NRXN3: variants seen among roughly 807,000 people sequenced by gnomAD.
NRXN3 encodes the protein neurexin III.
In NRXN3, 32 loss-of-function variants were observed where a neutral mutation model predicts 137.6. The ratio of observed to expected loss-of-function variants is 0.23; its 90% CI spans 0.18 to 0.31. The LOEUF (loss-of-function observed/expected upper bound fraction) is 0.31. Among genes scored for constraint, NRXN3 ranks in the 10% least tolerant of loss-of-function variants. NRXN3 has a pLI of 1.00. For missense variants in NRXN3, 1,574 were observed against 2,062.5 expected, an observed-to-expected ratio of 0.76 and a Z score of 4.59; for synonymous variants, 798 against 784.5, an observed-to-expected ratio of 1.02 and a Z score of -0.29.
intron 2 of NRXN3, among the ~76,000 whole-genome samples, chr14:78,249,029 TG>T (rs1429815765): frequency 6.6e-6 from 1 of 152,232 alleles, no homozygotes; most frequent in African/African-American, 2.4e-5. Flanking sequence ...GTATGCTAAA[TG>T]GCAGAGCAGC....
chr14:79,036,000 A>G (rs189636792), intron 15 of NRXN3, among the ~76,000 whole-genome samples: 9 of 152,180 alleles, frequency 5.9e-5, no homozygotes, highest in Admixed American at 5.2e-4. Context: ...GGAAAAATTA[A>G]TCATCCATTA....
intron 2 of NRXN3, among the ~76,000 whole-genome samples, chr14:78,274,372 A>G (rs2073258625): frequency 6.6e-6 from 1 of 152,226 alleles, no homozygotes; most frequent in Non-Finnish European, 1.5e-5. Flanking sequence ...AGAAGTGCTG[A>G]GCAAAAGGGG....
chr14:79,701,156 A>C (rs1240013631), intron 19 of NRXN3, among the ~76,000 whole-genome samples: 1 of 152,088 alleles, frequency 6.6e-6, no homozygotes. Context: ...GTAAGGCTAT[A>C]GCATAGTGAT....
At chr14:78,859,788 C>A (rs1430908842) in intron 10 of NRXN3, among the ~76,000 whole-genome samples, 1 of 151,964 alleles carries the variant, frequency 6.6e-6, no homozygotes, top group Non-Finnish European at 1.5e-5. Flanking sequence ...ATATAGAATA[C>A]CTTCATTTTC....
chr14:78,849,571 G>A (rs757751632), intron 10 of NRXN3, among the ~76,000 whole-genome samples: 5 of 152,092 alleles, frequency 3.3e-5, no homozygotes, highest in Admixed American at 6.6e-5. Flanking sequence ...TACATCTTAC[G>A]CTAAAAATGT....
intron 17 of NRXN3, among the ~76,000 whole-genome samples, chr14:79,664,393 A>T (rs369915926): frequency 6.6e-6 from 1 of 152,132 alleles, no homozygotes; most frequent in African/African-American, 2.4e-5. Flanking sequence ...CAATTACTGA[A>T]CTTGAAGACA....
intron 1 of NRXN3, among the ~76,000 whole-genome samples, chr14:78,225,148 A>G (rs552021794): frequency 9.2e-5 from 14 of 152,278 alleles, no homozygotes; most frequent in African/African-American, 3.1e-4. Context: ...TGGTATTTCT[A>G]GTTCTAGATC....
intron 4 of NRXN3, among the ~76,000 whole-genome samples, chr14:78,365,657 G>A (rs1042544630): frequency 6.6e-6 from 1 of 152,160 alleles, no homozygotes; most frequent in Non-Finnish European, 1.5e-5. Context: ...CTTGATCAGA[G>A]TGGAAGATGA....
At chr14:79,517,767 C>T (rs2097008457) in intron 16 of NRXN3, among the ~76,000 whole-genome samples, 1 of 151,942 alleles carries the variant, frequency 6.6e-6, no homozygotes, top group African/African-American at 2.4e-5. Flanking sequence ...TTCATTTCTG[C>T]ACTTTTATTC....
intron 15 of NRXN3, among the ~76,000 whole-genome samples, chr14:79,042,565 A>G (rs1295437064): frequency 6.6e-6 from 1 of 152,154 alleles, no homozygotes; most frequent in East Asian, 1.9e-4. Context: ...GCCATTTTAC[A>G]TTGTGTTTTT....
chr14:78,224,603 A>T (rs2064266753), intron 1 of NRXN3, among the ~76,000 whole-genome samples: 1 of 151,910 alleles, frequency 6.6e-6, no homozygotes. Flanking sequence ...AAGGACATGA[A>T]CTCATCATTT....
intron 4 of NRXN3, among the ~76,000 whole-genome samples, chr14:78,631,133 G>A (rs2097518580): frequency 6.6e-6 from 1 of 152,184 alleles, no homozygotes. Flanking sequence ...TTCCGGGCCT[G>A]TAAATCAGAG....
intron 15 of NRXN3, among the ~76,000 whole-genome samples, chr14:79,366,658 T>C (rs2153427579): frequency 6.6e-6 from 1 of 152,342 alleles, no homozygotes; most frequent in African/African-American, 2.4e-5. Flanking sequence ...TTACAGTAGC[T>C]TGCTGCTCTT....
At chr14:78,775,931 T>C (rs2098743525) in intron 8 of NRXN3, among the ~76,000 whole-genome samples, 1 of 152,168 alleles carries the variant, frequency 6.6e-6, no homozygotes, top group Non-Finnish European at 1.5e-5. Context: ...CAGGATGAAA[T>C]CTTGTGCCAT....
Position 79,180,302 on chromosome 14 carries a change from G to A in NRXN3, c.3262+192161G>A, listed in dbSNP as rs966242807. ...TGCAACCTGCTTTATAGTGATAAAC[G>A]TGCTGCTTATTTCATTTTAATTGAA... On this transcript the variant is annotated intron_variant, in intron 15 of 20. Coordinates refer to ENST00000335750, the MANE Select transcript of NRXN3 (RefSeq NM_001330195.2). Among the ~76,000 whole-genome samples, 6 of 152,244 alleles carry A rather than the reference G, an allele frequency of 3.9e-5. No homozygotes were observed. The East Asian group carries it at 9.6e-4, about 24-fold the overall frequency.
chr14:78,496,994 C>T (rs1183857485), intron 4 of NRXN3, among the ~76,000 whole-genome samples: 1 of 151,952 alleles, frequency 6.6e-6, no homozygotes, highest in Non-Finnish European at 1.5e-5. Flanking sequence ...CTGTAATGTA[C>T]CAAGAACAGT....
chr14:79,118,784 C>T (rs2054913571), intron 15 of NRXN3, among the ~76,000 whole-genome samples: 1 of 151,990 alleles, frequency 6.6e-6, no homozygotes, highest in Non-Finnish European at 1.5e-5. Context: ...CCCAAATTAA[C>T]ACCCCTATGT....
At chr14:79,533,900 A>C (rs2097190269) in intron 16 of NRXN3, among the ~76,000 whole-genome samples, 1 of 152,230 alleles carries the variant, frequency 6.6e-6, no homozygotes, top group African/African-American at 2.4e-5. Flanking sequence ...CAGCTTACTT[A>C]ATGCTCTATA....
At chr14:78,297,506 A>G (rs1332038108) in intron 3 of NRXN3, among the ~76,000 whole-genome samples, 1 of 152,224 alleles carries the variant, frequency 6.6e-6, no homozygotes, top group Non-Finnish European at 1.5e-5. Flanking sequence ...CAGATTTATC[A>G]CAAATCCTAC....
Sources: allele counts gnomAD v4.1 joint callset (sites outside exome capture counted in the v4.1 genomes callset), GRCh38; gene constraint gnomAD v4.1.1; transcripts MANE v1.5; gene names NCBI Gene and HGNC (gene_info 2026-07-23, HGNC 2026-07-21).